APC: variants seen among roughly 807,000 people sequenced by gnomAD.
The protein encoded by APC is adenomatous polyposis coli protein.
APC carries 72 observed loss-of-function variants against 247.0 expected under a neutral mutation model. The ratio of observed to expected loss-of-function variants is 0.29; its 90% CI spans 0.24 to 0.35. The LOEUF is 0.35. Among genes scored for constraint, APC ranks in the 10% least tolerant of loss-of-function variants. The pLI, the probability that APC is intolerant of heterozygous loss-of-function variation, is 1.00. For synonymous variants in APC, 1,254 were observed against 1,162.5 expected (o/e 1.08, Z -1.60); for missense variants, 3,400 against 3,360.7 (o/e 1.01, Z -0.29).
chr5:112,709,625 T>TGTG (rs1477115154), intron 1 of APC, among the ~76,000 whole-genome samples: 26 of 152,174 alleles, frequency 1.7e-4, no homozygotes, highest in African/African-American at 6.3e-4. Context: ...TTTGGCAGGG[T>TGTG]GTGGTGGCTC....
intron 1 of APC, among the ~76,000 whole-genome samples, chr5:112,749,486 T>TTTA (rs1410127922): frequency 7.1e-6 from 1 of 140,938 alleles, no homozygotes; most frequent in East Asian, 2.0e-4. Context: ...CCAATTTTTT[T>TTTA]TTTTTTTTTT....
chr5:112,768,820 AGCGT>A (rs1390039896), intron 4 of APC, among the ~76,000 whole-genome samples: 9 of 151,998 alleles, frequency 5.9e-5, no homozygotes, highest in African/African-American at 2.2e-4. Context: ...CCTGTACAGT[AGCGT>A]AGAACACAGT....
intron 2 of APC, among the ~76,000 whole-genome samples, chr5:112,755,358 A>G (rs1376469986): frequency 2.6e-5 from 4 of 152,194 alleles, no homozygotes; most frequent in East Asian, 1.9e-4. Flanking sequence ...ATTTTAGAAT[A>G]TGCCTTGAAT....
At position 112,842,897 on chromosome 5, in the gene APC, C is replaced by T. The variant is rs1114167590; in HGVS notation, c.7303C>T (p.Pro2435Ser). The change falls in exon 16 of 16, where the codon CCT (proline) becomes TCT (serine). Residue 2435 changes from proline (P) to serine (S), a missense_variant. Transcript: ENST00000257430. ...SGSESDRSER[P>S]VLVRQSTFIK... Reference sequence around the variant, plus strand: ...AAGTGAATCTGATAGATCAGAAAGACCTGTATTAGTACGCCAGTCAACTTT... The same window carrying T: ...AAGTGAATCTGATAGATCAGAAAGATCTGTATTAGTACGCCAGTCAACTTT... The T allele has an allele frequency of 1.2e-6, 2 of 1,613,954 alleles. No homozygotes were observed. Among genetic ancestry groups the T allele is most frequent in the Non-Finnish European group, 1.7e-6 (2 of 1,179,976 alleles).
At chr5:112,782,280 A>G (rs1758433884) in intron 6 of APC, among the ~76,000 whole-genome samples, 2 of 152,128 alleles carry the variant, frequency 1.3e-5, no homozygotes, top group African/African-American at 4.8e-5. Flanking sequence ...ACAGCACAGG[A>G]GAGACCCACC....
intron 14 of APC, among the ~76,000 whole-genome samples, chr5:112,832,978 T>C (rs1188172454): frequency 1.3e-5 from 2 of 152,054 alleles, no homozygotes; most frequent in Admixed American, 1.3e-4. Flanking sequence ...CTGATGGATA[T>C]ATAGTAAGAA....
chr5:112,816,910 C>T (rs1361224289), intron 9 of APC, among the ~76,000 whole-genome samples: 7 of 150,720 alleles, frequency 4.6e-5, no homozygotes, highest in African/African-American at 1.5e-4. Context: ...GCTCTGTTGC[C>T]CAGGCTGTAG....
chr5:112,806,490 C>G (rs78366520), intron 8 of APC, among the ~76,000 whole-genome samples: 1 of 152,084 alleles, frequency 6.6e-6, no homozygotes, highest in South Asian at 2.1e-4. Flanking sequence ...ATTATACAGG[C>G]CAGATCCCTG....
At chr5:112,782,120 G>A (rs1758417299) in intron 6 of APC, among the ~76,000 whole-genome samples, 1 of 152,214 alleles carries the variant, frequency 6.6e-6, no homozygotes, top group Non-Finnish European at 1.5e-5. Flanking sequence ...AGTTCTACGT[G>A]GCTGGGGAAT....
At chr5:112,818,821 T>G (rs1026580183) in intron 9 of APC, 145 bp from the exon 10 acceptor site, 29 of 901,116 alleles carry the variant, frequency 3.2e-5, no homozygotes, top group Admixed American at 4.8e-5. Flanking sequence ...CTGGAAAGGT[T>G]TTCCGGTTTT....
intron 8 of APC, among the ~76,000 whole-genome samples, chr5:112,804,669 C>A (rs1340010570): frequency 6.6e-6 from 1 of 152,178 alleles, no homozygotes; most frequent in Non-Finnish European, 1.5e-5. Flanking sequence ...TGAGCCACTG[C>A]GCCCGGCCAA....
At chr5:112,732,541 A>T (rs752183161) in intron 1 of APC, among the ~76,000 whole-genome samples, 3 of 152,224 alleles carry the variant, frequency 2.0e-5, no homozygotes, top group Admixed American at 6.5e-5. Context: ...TTGCTCTACT[A>T]TTATTCCGTG....
rs1183706810 is a variant in APC, at chr5:112,827,122, A to G, written c.1423A>G (p.Ile475Val). 4 of 1,613,670 alleles carry G rather than the reference A, an allele frequency of 2.5e-6. No individual in the cohort carries two copies. In the Admixed American group the frequency reaches 5.0e-5, roughly 20 times the overall value. Residue 475 changes from isoleucine to valine, a missense_variant, in exon 12 of 16, where the codon ATT becomes GTT. Ile to Val is a conservative substitution (Grantham distance 29). Coordinates refer to ENST00000257430, the MANE Select transcript of APC (RefSeq NM_000038.6). The part of the protein sequence containing the change: ...AMNELGGLQA[I>V]AELLQVDCEM... ...TTTTAAATTAGGGGGACTACAGGCC[A>G]TTGCAGAATTATTGCAAGTGGACTG...
upstream of APC, among the ~76,000 whole-genome samples, chr5:112,734,065 C>A (rs901759988): frequency 2.0e-5 from 3 of 152,182 alleles, no homozygotes; most frequent in African/African-American, 7.2e-5. Context: ...TGGCTGCTCA[C>A]GTCTGTAATC....
chr5:112,811,700 C>T (rs1304774225), intron 8 of APC, among the ~76,000 whole-genome samples: 2 of 152,108 alleles, frequency 1.3e-5, no homozygotes, highest in Non-Finnish European at 2.9e-5. Context: ...ACAGGTTTTC[C>T]CTTGTTTCAT....
Position 112,831,328 on chromosome 5 carries a change from T to A in APC, c.1743+2356T>A, listed in dbSNP as rs138725844. ...TTCACCATGTTGGCCAGGATGGTCT[T>A]CATCTCCTGACCTCATGACCCGCCT... is the stretch of plus-strand genomic sequence containing the variant. On this transcript the variant is annotated intron_variant, in intron 14 of 15. Coordinates refer to ENST00000257430, the MANE Select transcript of APC (RefSeq NM_000038.6). Among the ~76,000 whole-genome samples, 1,145 of 152,232 alleles carry A rather than the reference T, an allele frequency of 7.5e-3. 22 individuals are homozygous for A. The highest frequency in any genetic ancestry group is 9.3e-3 in the Non-Finnish European group (635 of 67,988).
In APC at chr5:112,819,488, A is replaced by C. The variant is rs1762893511; in HGVS notation, c.1312+144A>C. 3 of 1,138,168 alleles carry C rather than the reference A, an allele frequency of 2.6e-6. No homozygotes were observed. The Admixed American group carries it at 6.7e-5, about 26-fold the overall frequency. The allele number at this position is 1,138,168 out of a possible 1,614,324, so 70.5% of individuals were successfully genotyped here. On this transcript the variant is annotated intron_variant, in intron 10 of 15. Coordinates refer to ENST00000257430, the MANE Select transcript of APC (RefSeq NM_000038.6). ...AGCCATTTGTGCTACTCATATTTAA[A>C]AGATTAAGTCTGTATTTCCCTAGAA...
At chr5:112,836,177 C>CCCCCA (rs1561571701) in intron 15 of APC, among the ~76,000 whole-genome samples, 2 of 88,138 alleles carry the variant, frequency 2.3e-5, no homozygotes, top group Non-Finnish European at 2.7e-5. Context: ...CCCCCCCCCC[C>CCCCCA]CCGCCACCGT....
rs1580673845 is a variant in APC at position 112,842,311 on chromosome 5, C to G, written c.6717C>G (p.Ser2239Arg). 1 of 1,613,810 alleles carries G rather than the reference C, an allele frequency of 6.2e-7. No individual in the cohort carries two copies. Among genetic ancestry groups the G allele is most frequent in the Non-Finnish European group, 8.5e-7 (1 of 1,179,748 alleles). ...TTCATATTCCAGGAGTTCGAAATAG[C>G]TCCTCAAGTACAAGTCCTGTTTCTA... ...TMIHIPGVRNSSSSTSPVSKK... is the reference protein window; with the variant it reads ...TMIHIPGVRNRSSSTSPVSKK... Residue 2239 changes from serine to arginine, a missense_variant, in exon 16 of 16, where the codon AGC becomes AGG. Physicochemically the swap from Ser to Arg is moderately radical, Grantham distance 110 (BLOSUM62 -1). This residue lies in a region of APC where 1,788 missense variants were observed against 1,649.5 expected (regional missense o/e 1.08). Transcript: ENST00000257430.
Sources: gnomAD v4.1 joint callset for allele counts (sites outside exome capture counted in the v4.1 genomes callset) on GRCh38, gnomAD v4.1.1 for gene constraint, gnomAD v4.1.1 regional missense constraint, MANE v1.5 for transcripts, NCBI Gene and HGNC (gene_info 2026-07-23, HGNC 2026-07-21) for gene names.